The following MTMR7 variants were observed in gnomAD, a reference collection of about 807,000 sequenced individuals.
The protein encoded by MTMR7 is phosphatidylinositol-3-phosphate phosphatase MTMR7.
A neutral mutation model predicts 81.2 loss-of-function variants in MTMR7; 76 were observed. The ratio of observed to expected loss-of-function variants is 0.94; its 90% CI spans 0.78 to 1.13. MTMR7 has a LOEUF of 1.13. MTMR7 is among the 50% of genes most tolerant of loss of function. The pLI, the probability that MTMR7 is intolerant of heterozygous loss-of-function variation, is 0.00. For synonymous variants in MTMR7, 372 were observed against 289.8 expected, an observed-to-expected ratio of 1.28 and a Z score of -2.88; for missense variants, 1,044 against 820.0, an observed-to-expected ratio of 1.27 and a Z score of -3.34.
At chr8:17,349,275 T>C (rs1819655329) in intron 4 of MTMR7, 194 bp from the exon 5 acceptor site, 6 of 563,218 alleles carry the variant, frequency 1.1e-5, no homozygotes, top group Non-Finnish European at 1.9e-5. Flanking sequence ...GTAATCATTC[T>C]GAAGGAACGC....
intron 1 of MTMR7, among the ~76,000 whole-genome samples, chr8:17,394,508 T>C (rs1468529881): frequency 2.0e-5 from 3 of 152,058 alleles, no homozygotes; most frequent in Non-Finnish European, 2.9e-5. Context: ...GGCAAATCTC[T>C]AGAGATTGTC....
intron 6 of MTMR7, among the ~76,000 whole-genome samples, chr8:17,336,835 C>A (rs556412250): frequency 1.3e-5 from 2 of 152,164 alleles, no homozygotes; most frequent in East Asian, 3.9e-4. Context: ...GGTAACCCCA[C>A]AGAGCTTCCA....
chr8:17,360,073 T>C (rs900279388), intron 4 of MTMR7, among the ~76,000 whole-genome samples: 18 of 152,204 alleles, frequency 1.2e-4, no homozygotes, highest in Admixed American at 7.9e-4. Flanking sequence ...TAGATATTAT[T>C]TGATACAGCC....
At chr8:17,310,891 C>CT (rs142972527) in intron 9 of MTMR7, among the ~76,000 whole-genome samples, 1,676 of 152,234 alleles carry the variant, frequency 0.011, 24 homozygotes, top group African/African-American at 0.039. Flanking sequence ...TTAGTGAAAA[C>CT]TTCACCATCC....
At chr8:17,321,849 A>G (rs1818403260) in intron 7 of MTMR7, among the ~76,000 whole-genome samples, 2 of 152,268 alleles carry the variant, frequency 1.3e-5, no homozygotes, top group South Asian at 2.1e-4. Context: ...AAACATATAT[A>G]AACTACAGTA....
At chr8:17,355,044 T>A (rs761271401) in intron 4 of MTMR7, among the ~76,000 whole-genome samples, 8 of 152,338 alleles carry the variant, frequency 5.3e-5, no homozygotes, top group Middle Eastern at 6.8e-3. Flanking sequence ...CTGTGCAACG[T>A]AGGACTTAAG....
At chr8:17,304,082 T>C (rs1817299287) in intron 12 of MTMR7, among the ~76,000 whole-genome samples, 1 of 152,202 alleles carries the variant, frequency 6.6e-6, no homozygotes, top group Non-Finnish European at 1.5e-5. Flanking sequence ...ACTTAAGGCA[T>C]TTGCATTATT....
intron 1 of MTMR7, among the ~76,000 whole-genome samples, chr8:17,396,649 G>A (rs933650274): frequency 1.4e-4 from 21 of 152,000 alleles, no homozygotes; most frequent in African/African-American, 4.6e-4. Flanking sequence ...AAGGCAATCC[G>A]GGACACAGGA....
At position 17,305,890 on chromosome 8, in the gene MTMR7, A is replaced by C. The variant is rs1159182426; in HGVS notation, c.1219T>G (p.Trp407Gly). 1 of 1,613,794 alleles carries C rather than the reference A, an allele frequency of 6.2e-7. No homozygotes were observed. The highest frequency in any genetic ancestry group is 8.5e-7 in the Non-Finnish European group (1 of 1,179,750). ...CAGGGAAATTGTTCCATTAACTGCC[A>C]AACACACTCAATGAACTGGTCAATA... is the stretch of plus-strand genomic sequence containing the variant. ...PVIDQFIECV[W>G]QLMEQFPCAF... The change falls in exon 11 of 14, where the codon TGG becomes GGG. Residue 407 changes from tryptophan to glycine, a missense_variant. Transcript: ENST00000180173.
intron 8 of MTMR7, 72 bp from the exon 9 acceptor site, chr8:17,311,708 G>A (rs2150487018): frequency 5.0e-6 from 8 of 1,599,920 alleles, no homozygotes; most frequent in Non-Finnish European, 6.8e-6. Flanking sequence ...ATCACAGCCA[G>A]GTTTGACTGT....
At chr8:17,343,427 C>T (rs916244540) in intron 5 of MTMR7, among the ~76,000 whole-genome samples, 13 of 149,870 alleles carry the variant, frequency 8.7e-5, no homozygotes, top group Admixed American at 3.3e-4. Flanking sequence ...AACTCCATCT[C>T]GAAAAAAAAA....
At chr8:17,364,924 A>C (rs78499783) in intron 3 of MTMR7, among the ~76,000 whole-genome samples, 2,745 of 152,322 alleles carry the variant, frequency 0.018, 67 homozygotes, top group East Asian at 0.074. Flanking sequence ...CTTTCCAGTA[A>C]GCACTCAAAA....
chr8:17,335,195 A>C (rs936424871), intron 6 of MTMR7, among the ~76,000 whole-genome samples: 1 of 152,182 alleles, frequency 6.6e-6, no homozygotes, highest in Non-Finnish European at 1.5e-5. Flanking sequence ...CAGCGCTGAC[A>C]GAGAGGAGGG....
chr8:17,408,729 T>C (rs541364009), intron 1 of MTMR7, among the ~76,000 whole-genome samples: 3 of 152,052 alleles, frequency 2.0e-5, no homozygotes, highest in East Asian at 1.9e-4. Context: ...TGAGCAAAAG[T>C]CTAAATTCAA....
At chr8:17,404,011 T>C (rs921461107) in intron 1 of MTMR7, among the ~76,000 whole-genome samples, 2 of 152,200 alleles carry the variant, frequency 1.3e-5, no homozygotes, top group Non-Finnish European at 2.9e-5. Context: ...TCATATCATC[T>C]GCAAACAAGG....
At chr8:17,309,830 T>A (rs1365104138) in intron 9 of MTMR7, among the ~76,000 whole-genome samples, 1 of 152,156 alleles carries the variant, frequency 6.6e-6, no homozygotes, top group Non-Finnish European at 1.5e-5. Flanking sequence ...GGGAAGTTTT[T>A]CAGTGATCTT....
At position 17,300,734 on chromosome 8, in the gene MTMR7, C is replaced by T. The variant is rs890015929; in HGVS notation, c.1621-510G>A. On this transcript the variant is annotated intron_variant, in intron 13 of 13. Coordinates refer to ENST00000180173, the MANE Select transcript of MTMR7 (RefSeq NM_004686.5). ...AAAACACTGTCATCACCTCCCCTGC[C>T]GAAAGAAAACCCCATACTCATTAGC... Among the ~76,000 whole-genome samples the T allele has an allele frequency of 3.9e-5, 6 of 152,272 alleles. No individual in the cohort carries two copies. In the South Asian group the frequency reaches 6.2e-4, roughly 16 times the overall value.
At chr8:17,328,318 C>T (rs1168930753) in intron 7 of MTMR7, among the ~76,000 whole-genome samples, 1 of 152,140 alleles carries the variant, frequency 6.6e-6, no homozygotes, top group East Asian at 1.9e-4. Context: ...ACCACTTCCT[C>T]CCCAACACCC....
chr8:17,334,034 T>C (rs1449961263), intron 6 of MTMR7, among the ~76,000 whole-genome samples: 1 of 152,190 alleles, frequency 6.6e-6, no homozygotes, highest in East Asian at 1.9e-4. Context: ...CATTATGAAA[T>C]AGCTGATTAT....
Sources: gnomAD v4.1 joint callset for allele counts (sites outside exome capture counted in the v4.1 genomes callset) on GRCh38, gnomAD v4.1.1 for gene constraint, MANE v1.5 for transcripts, NCBI Gene and HGNC (gene_info 2026-07-23, HGNC 2026-07-21) for gene names.